ADGRL3: variants seen among roughly 807,000 people sequenced by gnomAD.
ADGRL3 encodes the protein adhesion G protein-coupled receptor L3.
A neutral mutation model predicts 153.5 loss-of-function variants in ADGRL3; 62 were observed. The ratio of observed to expected loss-of-function variants is 0.40; its 90% confidence interval spans 0.33 to 0.50. The LOEUF (loss-of-function observed/expected upper bound fraction) is 0.50, where lower values mean the gene tolerates loss of function less well. Ranked by LOEUF, ADGRL3 falls within the 20% of genes least tolerant of loss-of-function variation. The pLI is 0.47. For synonymous variants in ADGRL3, 710 were observed against 672.5 expected (o/e 1.06, Z -0.86); for missense variants, 1,641 against 1,859.4 (o/e 0.88, Z 2.16).
At chr4:61,558,158 C>T (rs12506924) in intron 4 of ADGRL3, among the ~76,000 whole-genome samples, 49,704 of 128,520 alleles carry the variant, frequency 0.39, 9,805 homozygotes, top group East Asian at 0.67. Flanking sequence ...TATATATATA[C>T]ACATATGTAG....
chr4:61,907,041 G>T (rs74972113), intron 11 of ADGRL3, among the ~76,000 whole-genome samples: 7,744 of 152,022 alleles, frequency 0.051, 323 homozygotes, highest in East Asian at 0.19. Flanking sequence ...TAATGATACT[G>T]TTATATATTT....
At chr4:61,355,381 T>G (rs1266651427) in intron 1 of ADGRL3, among the ~76,000 whole-genome samples, 1 of 152,102 alleles carries the variant, frequency 6.6e-6, no homozygotes, top group Non-Finnish European at 1.5e-5. Context: ...GTATCTATAG[T>G]TCATCTTTTT....
chr4:61,461,860 G>T (rs1212069005), intron 2 of ADGRL3, among the ~76,000 whole-genome samples: 1 of 152,128 alleles, frequency 6.6e-6, no homozygotes, highest in African/African-American at 2.4e-5. Context: ...CTCTTAGCTG[G>T]AATGTGTCAG....
chr4:61,341,959 C>T (rs2151150804), intron 1 of ADGRL3, among the ~76,000 whole-genome samples: 1 of 152,138 alleles, frequency 6.6e-6, no homozygotes, highest in Middle Eastern at 3.4e-3. Flanking sequence ...TCTTTCTTAT[C>T]TATGGTTATT....
At chr4:61,912,003 G>C (rs1246071874) in intron 12 of ADGRL3, among the ~76,000 whole-genome samples, 1 of 152,144 alleles carries the variant, frequency 6.6e-6, no homozygotes, top group Non-Finnish European at 1.5e-5. Context: ...TGCCCAGAAA[G>C]ACATCACTCT....
intron 14 of ADGRL3, 24 bp from the exon 15 acceptor site, chr4:61,935,899 C>T (rs1294181403): frequency 6.3e-7 from 1 of 1,575,928 alleles, no homozygotes; most frequent in Non-Finnish European, 8.6e-7. Flanking sequence ...TCAATGAGCA[C>T]TGATATCTCT....
chr4:61,890,576 A>C (rs1315205832), intron 9 of ADGRL3, among the ~76,000 whole-genome samples: 1 of 152,160 alleles, frequency 6.6e-6, no homozygotes, highest in Admixed American at 6.5e-5. Flanking sequence ...TCCTCTTATC[A>C]GAAACCCATT....
At chr4:61,917,125 T>TTA (rs2098748652) in intron 13 of ADGRL3, among the ~76,000 whole-genome samples, 1 of 152,146 alleles carries the variant, frequency 6.6e-6, no homozygotes, top group African/African-American at 2.4e-5. Flanking sequence ...GAAGGTTAAA[T>TTA]GACTTTCACA....
intron 2 of ADGRL3, among the ~76,000 whole-genome samples, chr4:61,430,340 AT>A (rs2097340830): frequency 6.6e-6 from 1 of 152,178 alleles, no homozygotes; most frequent in Admixed American, 6.5e-5. Context: ...GGACACATTG[AT>A]TCAAGTTAGT....
At chr4:61,369,849 C>T (rs977146610) in intron 1 of ADGRL3, among the ~76,000 whole-genome samples, 46 of 152,128 alleles carry the variant, frequency 3.0e-4, no homozygotes, top group African/African-American at 9.9e-4. Context: ...GCTGTGAATC[C>T]ATCTGGTCCT....
intron 2 of ADGRL3, among the ~76,000 whole-genome samples, chr4:61,451,558 T>C (rs974328500): frequency 3.9e-5 from 6 of 152,138 alleles, no homozygotes; most frequent in Non-Finnish European, 7.4e-5. Flanking sequence ...GCAGTCAACA[T>C]ACAAGGCAAA....
chr4:62,062,556 TTCTG>T (rs1290111024), intron 25 of ADGRL3, among the ~76,000 whole-genome samples: 9 of 152,070 alleles, frequency 5.9e-5, no homozygotes, highest in Non-Finnish European at 1.0e-4. Flanking sequence ...AAATACACAA[TTCTG>T]TCTATTATTT....
In ADGRL3 at chr4:61,947,026, T is replaced by A. The variant is rs558386483; in HGVS notation, c.2532T>A (p.Ile844=). Residue 844 remains isoleucine, a synonymous_variant, in exon 16 of 27, where the codon ATT becomes ATA. Transcript: ENST00000683033. ...CTTTGTCCACAAATCATTCTGTTAT[T>A]GTCAATTCCCCTGTTATTACGGCAG... The part of the protein sequence containing the change: ...TEALSTNHSV[I]VNSPVITAAI... The A allele has an allele frequency of 6.2e-7, 1 of 1,613,844 alleles. No homozygotes were observed. Among genetic ancestry groups the A allele is most frequent in the African/African-American group, 1.3e-5 (1 of 75,020 alleles).
chr4:61,837,992 A>C (rs1293031489), intron 9 of ADGRL3, among the ~76,000 whole-genome samples: 1 of 152,084 alleles, frequency 6.6e-6, no homozygotes, highest in Non-Finnish European at 1.5e-5. Flanking sequence ...TTGAGGAGTA[A>C]GCTCTAGAAT....
chr4:61,532,350 A>AT (rs2098623932), intron 4 of ADGRL3, among the ~76,000 whole-genome samples: 1 of 152,130 alleles, frequency 6.6e-6, no homozygotes, highest in Non-Finnish European at 1.5e-5. Flanking sequence ...TCAAGTTACA[A>AT]TTAGCTGCTC....
At chr4:61,572,978 C>T (rs2098845132) in intron 4 of ADGRL3, among the ~76,000 whole-genome samples, 1 of 151,930 alleles carries the variant, frequency 6.6e-6, no homozygotes, top group African/African-American at 2.4e-5. Flanking sequence ...AATTTACATG[C>T]CAAACTCTTA....
intron 22 of ADGRL3, 107 bp downstream of exon 22, chr4:62,028,988 G>C: frequency 1.1e-6 from 1 of 895,938 alleles, no homozygotes; most frequent in Non-Finnish European, 1.7e-6. Context: ...CATTCACGTA[G>C]AGGCAGAAGA....
chr4:61,422,447 A>G (rs1413932698), intron 2 of ADGRL3, among the ~76,000 whole-genome samples: 2 of 152,216 alleles, frequency 1.3e-5, no homozygotes, highest in Non-Finnish European at 2.9e-5. Flanking sequence ...ACATATTCAC[A>G]AACATGCCAT....
At chr4:62,044,923 G>A (rs1020335849) in intron 25 of ADGRL3, among the ~76,000 whole-genome samples, 3 of 152,040 alleles carry the variant, frequency 2.0e-5, no homozygotes, top group African/African-American at 7.2e-5. Context: ...CAATTTCATA[G>A]TCTTTGCGGA....
Sources: allele counts gnomAD v4.1 joint callset (sites outside exome capture counted in the v4.1 genomes callset), GRCh38; gene constraint gnomAD v4.1.1; transcripts MANE v1.5; gene names NCBI Gene and HGNC (gene_info 2026-07-23, HGNC 2026-07-21).